SSUH2: variants seen among roughly 807,000 people sequenced by gnomAD.
The protein encoded by SSUH2 is protein SSUH2 homolog.
In SSUH2, 47 loss-of-function variants were observed where a neutral mutation model predicts 55.3. The ratio of observed to expected loss-of-function variants is 0.85; its 90% CI spans 0.67 to 1.08. The LOEUF (loss-of-function observed/expected upper bound fraction) is 1.08, where lower values mean the gene tolerates loss of function less well. SSUH2 is among the 50% of genes least tolerant of loss of function. SSUH2 has a pLI of 0.00. For synonymous variants in SSUH2, 212 were observed against 191.5 expected, an observed-to-expected ratio of 1.11 and a Z score of -0.89; for missense variants, 535 against 490.7, an observed-to-expected ratio of 1.09 and a Z score of -0.85.
At chr3:8,641,857 A>C (rs188295095) in intron 1 of SSUH2, among the ~76,000 whole-genome samples, 12 of 152,342 alleles carry the variant, frequency 7.9e-5, no homozygotes, top group African/African-American at 2.6e-4. Flanking sequence ...CTAGTCGTGG[A>C]GGGCAGGGGC....
intron 3 of SSUH2, among the ~76,000 whole-genome samples, chr3:8,675,909 C>T (rs529717903): frequency 1.4e-4 from 22 of 152,290 alleles, no homozygotes; most frequent in African/African-American, 4.8e-4. Flanking sequence ...TTAACCCAAA[C>T]TGTGGGGCCC....
At chr3:8,634,546 C>A in intron 3 of SSUH2, 1 of 1,289,830 alleles carries the variant, frequency 7.8e-7, no homozygotes, top group Non-Finnish European at 1.0e-6. Context: ...CCCTGGCACA[C>A]AGAGGGGCCC....
chr3:8,666,011 G>C (rs1703959056), intron 5 of SSUH2, among the ~76,000 whole-genome samples: 1 of 152,156 alleles, frequency 6.6e-6, no homozygotes, highest in South Asian at 2.1e-4. Context: ...AAGCCCACTT[G>C]ATTAAGTTGT....
rs1272289961 is a variant in SSUH2, at chr3:8,678,971, GGC to G, written c.-901+732_-901+733del. ...CTGGCTCTTGGGACGCCCATCGCAGGGCGGAGAGTCACCCCCCGCGAGGTGGG... is the reference window on the plus strand; with the variant it reads ...CTGGCTCTTGGGACGCCCATCGCAGGGGAGAGTCACCCCCCGCGAGGTGGG... On this transcript the variant is annotated intron_variant, in intron 2 of 18. Coordinates refer to the SSUH2 transcript ENST00000317371. 5.6e-5 allele frequency among the ~76,000 whole-genome samples: 6 copies of G among 107,214 alleles called. 1 individual carries two copies. Among genetic ancestry groups the G allele is most frequent in the East Asian group, 4.8e-4 (2 of 4,172 alleles). 70.3% of individuals were successfully genotyped at this position (107,214 alleles called of 152,430 possible). A position where few individuals can be genotyped will look rare whatever the true frequency, so the allele number is the denominator to read the frequency against.
chr3:8,643,952 C>T (rs1221703726), intron 1 of SSUH2, among the ~76,000 whole-genome samples: 1 of 152,176 alleles, frequency 6.6e-6, no homozygotes. Flanking sequence ...TGAACCCTGG[C>T]CTCCCACTTC....
intron 4 of SSUH2, among the ~76,000 whole-genome samples, chr3:8,671,315 C>G (rs970997402): frequency 1.3e-5 from 2 of 152,074 alleles, no homozygotes; most frequent in East Asian, 3.8e-4. Context: ...GGTGTACAAC[C>G]TCTGTGACAT....
intron 7 of SSUH2, 31 bp downstream of exon 7, chr3:8,629,633 C>CTGACTCATCAGTGGTTCACAGA: frequency 1.3e-6 from 2 of 1,587,724 alleles, no homozygotes; most frequent in Non-Finnish European, 1.7e-6. Context: ...CACACCCTCA[C>CTGACTCATCAGTGGTTCACAGA]TGACTCACCA....
intron 5 of SSUH2, among the ~76,000 whole-genome samples, chr3:8,670,752 A>G (rs769471068): frequency 2.0e-5 from 3 of 152,014 alleles, no homozygotes; most frequent in Non-Finnish European, 4.4e-5. Flanking sequence ...GCATTGTGAC[A>G]TTAGTAGTAA....
At chr3:8,658,009 G>A (rs1440678978) in intron 7 of SSUH2, among the ~76,000 whole-genome samples, 1 of 152,218 alleles carries the variant, frequency 6.6e-6, no homozygotes, top group African/African-American at 2.4e-5. Context: ...CCCATGTGTG[G>A]GGAGACAGTG....
intron 5 of SSUH2, among the ~76,000 whole-genome samples, chr3:8,631,160 ACTTTAGAGAAGTTTCTTACCCTCTCTGAG>A (rs918912336): frequency 1.3e-5 from 2 of 152,114 alleles, no homozygotes; most frequent in Admixed American, 6.5e-5. Flanking sequence ...TAGCTGTTTG[ACTTTAGAGAAGTTTCTTACCCTCTCTGAG>A]CTTCCATTCT....
At chr3:8,653,704 T>G (rs1284059174) in intron 7 of SSUH2, among the ~76,000 whole-genome samples, 2 of 152,256 alleles carry the variant, frequency 1.3e-5, no homozygotes, top group Non-Finnish European at 2.9e-5. Flanking sequence ...ATGAGATTAT[T>G]TTTCTTTGTA....
intron 4 of SSUH2, among the ~76,000 whole-genome samples, chr3:8,633,376 TCAGGTGATCCTGAC>T (rs1699243997): frequency 2.4e-5 from 1 of 41,702 alleles, no homozygotes; most frequent in Non-Finnish European, 7.0e-5. Context: ...CTGACTCACC[TCAGGTGATCCTGAC>T]CTCAGGTGAT....
chr3:8,647,285 G>A (rs151291953), upstream of SSUH2, among the ~76,000 whole-genome samples: 8 of 152,358 alleles, frequency 5.3e-5, no homozygotes, highest in African/African-American at 1.7e-4. Flanking sequence ...GCAGGCATGC[G>A]GAGAGCTGGT....
chr3:8,673,099 G>T (rs1704789485), intron 3 of SSUH2, among the ~76,000 whole-genome samples: 1 of 151,790 alleles, frequency 6.6e-6, no homozygotes, highest in Non-Finnish European at 1.5e-5. Flanking sequence ...ATAGTGTTCA[G>T]ATTATTAATA....
intron 2 of SSUH2, among the ~76,000 whole-genome samples, 157 bp from the exon 3 acceptor site, chr3:8,635,538 C>A (rs1211558695): frequency 6.6e-6 from 1 of 152,234 alleles, no homozygotes; most frequent in Non-Finnish European, 1.5e-5. Context: ...AGACCAGCAC[C>A]ATCTAGGTCT....
At chr3:8,635,162 T>C in intron 3 of SSUH2, 138 bp downstream of exon 3, 1 of 659,640 alleles carries the variant, frequency 1.5e-6, no homozygotes, top group Non-Finnish European at 2.5e-6. Flanking sequence ...GCCCCATCCC[T>C]GGAGGATCTG....
intron 7 of SSUH2, among the ~76,000 whole-genome samples, chr3:8,657,931 C>T (rs1703093971): frequency 6.6e-6 from 1 of 152,280 alleles, no homozygotes; most frequent in Admixed American, 6.5e-5. Flanking sequence ...CCTGCATAGC[C>T]CTGCATGGGC....
At chr3:8,660,212 G>A (rs1373219163) in intron 6 of SSUH2, among the ~76,000 whole-genome samples, 1 of 152,142 alleles carries the variant, frequency 6.6e-6, no homozygotes, top group African/African-American at 2.4e-5. Flanking sequence ...AAAGGTGAGA[G>A]GAAGGAATTT....
At chr3:8,676,998 C>G (rs1431219455) in intron 3 of SSUH2, among the ~76,000 whole-genome samples, 2 of 149,430 alleles carry the variant, frequency 1.3e-5, no homozygotes, top group African/African-American at 2.5e-5. Flanking sequence ...CCTCTTCCCC[C>G]CCTGGCTCTT....
Sources: allele counts gnomAD v4.1 joint callset (sites outside exome capture counted in the v4.1 genomes callset), GRCh38; gene constraint gnomAD v4.1.1; transcripts MANE v1.5; gene names NCBI Gene and HGNC (gene_info 2026-07-23, HGNC 2026-07-21).